The following SGCE variants were observed in gnomAD, a reference collection of about 807,000 sequenced individuals.
SGCE encodes sarcoglycan epsilon.
SGCE carries 26 observed loss-of-function variants against 57.8 expected under a neutral mutation model. The observed-to-expected ratio is 0.45, with a 90% CI of 0.33 to 0.62. The LOEUF (loss-of-function observed/expected upper bound fraction) is 0.62. Among genes scored for constraint, SGCE ranks in the 20% least tolerant of loss-of-function variants. The probability of loss-of-function intolerance (pLI) is 0.02; values close to 1 mark genes in which losing one functional copy is unlikely to be tolerated. For synonymous variants in SGCE, 183 were observed against 189.5 expected, an observed-to-expected ratio of 0.97 and a Z score of 0.28; for missense variants, 468 against 548.6, an observed-to-expected ratio of 0.85 and a Z score of 1.47.
chr7:94,605,177 T>C (rs1799927713), intron 5 of SGCE, among the ~76,000 whole-genome samples: 1 of 152,064 alleles, frequency 6.6e-6, no homozygotes, highest in Non-Finnish European at 1.5e-5. Flanking sequence ...GAATCAGATA[T>C]GGCAGAGATG....
At chr7:94,605,668 A>T (rs1418959045) in intron 5 of SGCE, among the ~76,000 whole-genome samples, 1 of 152,114 alleles carries the variant, frequency 6.6e-6, no homozygotes, top group Non-Finnish European at 1.5e-5. Context: ...AAGACAGTTT[A>T]AAAAATACAA....
At chr7:94,627,963 A>G (rs1015950055) in intron 3 of SGCE, 1 of 493,658 alleles carries the variant, frequency 2.0e-6, no homozygotes, top group Admixed American at 3.3e-5. Flanking sequence ...TTTTAAGGTC[A>G]TATTTTTTTC....
At chr7:94,593,898 C>T (rs1310823682) in intron 9 of SGCE, among the ~76,000 whole-genome samples, 2 of 152,038 alleles carry the variant, frequency 1.3e-5, no homozygotes, top group East Asian at 3.9e-4. Context: ...GATTATTAAG[C>T]CAGGAATTCT....
intron 1 of SGCE, among the ~76,000 whole-genome samples, chr7:94,632,826 C>T (rs1181832919): frequency 1.3e-5 from 2 of 151,926 alleles, no homozygotes; most frequent in Non-Finnish European, 2.9e-5. Context: ...ACAGAGAATT[C>T]GAAGCTATAG....
At chr7:94,621,141 T>C (rs1355930238) in intron 4 of SGCE, 1 of 152,262 alleles carries the variant, frequency 6.6e-6, no homozygotes, top group Non-Finnish European at 1.5e-5. Context: ...ATATAACTTT[T>C]GTTATTTCTT....
At chr7:94,626,052 C>T (rs1338084873) in intron 3 of SGCE, 2 of 152,094 alleles carry the variant, frequency 1.3e-5, no homozygotes. Flanking sequence ...ATTGTGATCT[C>T]CATCTGAATA....
intron 3 of SGCE, 100 bp downstream of exon 3, chr7:94,628,102 A>G (rs1584690797): frequency 3.5e-6 from 3 of 852,502 alleles, no homozygotes; most frequent in East Asian, 5.2e-5. Flanking sequence ...ACCATCAGGT[A>G]ACTTTAGTTT....
chr7:94,625,165 A>C (rs1435779849), intron 3 of SGCE: 1 of 151,994 alleles, frequency 6.6e-6, no homozygotes, highest in African/African-American at 2.4e-5. Flanking sequence ...TAGATACTTA[A>C]AATCTAAATA....
At chr7:94,590,686 T>A (rs900940244) in intron 9 of SGCE, 1 of 152,156 alleles carries the variant, frequency 6.6e-6, no homozygotes, top group Non-Finnish European at 1.5e-5. Context: ...AGAACTGTGA[T>A]GTACAAAAGA....
At chr7:94,598,377 A>G in intron 9 of SGCE, 1 of 195,808 alleles carries the variant, frequency 5.1e-6, no homozygotes, top group Admixed American at 5.5e-5. Context: ...TTAGATTACA[A>G]AGGTCTATGG....
intron 1 of SGCE, chr7:94,639,490 G>A: frequency 4.1e-6 from 5 of 1,233,054 alleles, no homozygotes; most frequent in Non-Finnish European, 5.7e-6. Context: ...TGAAATTAAT[G>A]TCATGATTTT....
chr7:94,586,605 T>C (rs1796939957), intron 10 of SGCE: 1 of 153,240 alleles, frequency 6.5e-6, no homozygotes, highest in South Asian at 2.1e-4. Flanking sequence ...GTTCAAGTGA[T>C]TTTTCTGCCT....
At chr7:94,610,718 T>C (rs978181915) in intron 5 of SGCE, among the ~76,000 whole-genome samples, 1 of 152,012 alleles carries the variant, frequency 6.6e-6, no homozygotes, top group African/African-American at 2.4e-5. Flanking sequence ...GTGAAGACAA[T>C]CCATGGAATA....
chr7:94,602,689 A>T (rs1376475250), intron 6 of SGCE, among the ~76,000 whole-genome samples: 2 of 152,168 alleles, frequency 1.3e-5, no homozygotes, highest in Non-Finnish European at 1.5e-5. Context: ...CATATGTAAA[A>T]TATTACACAT....
At chr7:94,639,256 C>G in intron 1 of SGCE, 1 of 849,480 alleles carries the variant, frequency 1.2e-6, no homozygotes, top group Non-Finnish European at 1.8e-6. Context: ...AAAAGCCACA[C>G]ATGACTAAAA....
intron 5 of SGCE, among the ~76,000 whole-genome samples, chr7:94,613,775 T>C (rs989308063): frequency 2.6e-5 from 4 of 152,292 alleles, no homozygotes; most frequent in Admixed American, 6.5e-5. Flanking sequence ...ATATAGAAGA[T>C]AAAAGACAGT....
chr7:94,603,848 TAATA>T, intron 5 of SGCE, among the ~76,000 whole-genome samples: 1 of 152,262 alleles, frequency 6.6e-6, no homozygotes, highest in East Asian at 1.9e-4. Context: ...ACTACTACAA[TAATA>T]AATAACTAAG....
chr7:94,600,753 G>A lies in SGCE; in HGVS notation c.930C>T (p.Ser310=). 6.2e-7 allele frequency: 1 copy of A among 1,613,674 alleles called. No homozygotes were observed. Among genetic ancestry groups the A allele is most frequent in the Non-Finnish European group, 8.5e-7 (1 of 1,179,764 alleles). The stretch of plus-strand genomic sequence containing the variant: ...TTAGGAAATCCGTGTAATAGTCTCT[G>A]CTTTTCAAAGAATCAGAAGGGGGTT... ...EYKPPSDSLK[S]RDYYTDFLIT... is the part of the protein sequence containing the mutation. Residue 310 remains serine (S), a synonymous_variant, in exon 7 of 11, where the codon AGC becomes AGT. Coordinates refer to ENST00000648936, the MANE Select transcript of SGCE (RefSeq NM_003919.3).
At chr7:94,622,940 C>T (rs1248070310) in intron 4 of SGCE, among the ~76,000 whole-genome samples, 1 of 151,954 alleles carries the variant, frequency 6.6e-6, no homozygotes, top group Non-Finnish European at 1.5e-5. Flanking sequence ...AATAATAAAA[C>T]TAGTTAGTAA....
Sources: gnomAD v4.1 joint callset for allele counts (sites outside exome capture counted in the v4.1 genomes callset) on GRCh38, gnomAD v4.1.1 for gene constraint, MANE v1.5 for transcripts, NCBI Gene and HGNC (gene_info 2026-07-23, HGNC 2026-07-21) for gene names.